CHMP1A: variants seen among roughly 807,000 people sequenced by gnomAD.
CHMP1A encodes VPS46 homolog A.
Under a neutral mutation model 27.0 loss-of-function variants are expected in CHMP1A, and 17 were observed. That is an observed-to-expected ratio of 0.63 (90% CI 0.43 to 0.95). The LOEUF (loss-of-function observed/expected upper bound fraction) is 0.95. Among genes scored for constraint, CHMP1A ranks in the 40% least tolerant of loss-of-function variants. The pLI is 0.00. For synonymous variants in CHMP1A, 131 were observed against 107.5 expected (o/e 1.22, Z -1.35); for missense variants, 275 against 264.0 (o/e 1.04, Z -0.29).
rs944589844 is a variant in CHMP1A, at chr16:89,645,846, C to T, written c.*220G>A. 3.4e-6 allele frequency: 5 copies of T among 1,472,724 alleles called. No homozygotes were observed. In the African/African-American group the frequency reaches 7.1e-5, roughly 21 times the overall value. The allele number at this position is 1,472,724 out of a possible 1,614,324, so 91.2% of individuals were successfully genotyped here. A position where few individuals can be genotyped will look rare whatever the true frequency, so the allele number is the denominator to read the frequency against. ...GGCCCAGAGTCACAGAAATCACCCC[C>T]AGAAATTTGCAGAAACTCAACACCA... On this transcript the variant is annotated 3_prime_UTR_variant, in exon 7 of 7. Coordinates refer to ENST00000397901, the MANE Select transcript of CHMP1A (RefSeq NM_002768.5).
intron 1 of CHMP1A, among the ~76,000 whole-genome samples, chr16:89,656,805 G>A (rs1006750406): frequency 1.2e-4 from 18 of 152,088 alleles, no homozygotes; most frequent in Non-Finnish European, 2.1e-4. Context: ...AGTCCCGAAA[G>A]GCCGAACAGG....
chr16:89,656,192 A>G (rs1719579362), intron 1 of CHMP1A, among the ~76,000 whole-genome samples: 1 of 152,212 alleles, frequency 6.6e-6, no homozygotes, highest in South Asian at 2.1e-4. Context: ...GCTGGAGTGA[A>G]GTGGCGCGAT....
chr16:89,655,177 C>T (rs2059854723), intron 1 of CHMP1A, among the ~76,000 whole-genome samples: 1 of 152,120 alleles, frequency 6.6e-6, no homozygotes, highest in Admixed American at 6.6e-5. Flanking sequence ...ATCGTTCAAT[C>T]TATCGCCTGT....
chr16:89,655,631 C>T (rs1451749079), intron 1 of CHMP1A, among the ~76,000 whole-genome samples: 5 of 147,978 alleles, frequency 3.4e-5, no homozygotes, highest in African/African-American at 1.2e-4. Context: ...CACAATTTTT[C>T]TTTTTTTTTT....
At chr16:89,649,326 T>G in intron 4 of CHMP1A, 25 bp downstream of exon 4, 1 of 1,602,644 alleles carries the variant, frequency 6.2e-7, no homozygotes, top group Non-Finnish European at 8.5e-7. Flanking sequence ...ACGCCACCCA[T>G]CCAGCACCAG....
intron 4 of CHMP1A, among the ~76,000 whole-genome samples, chr16:89,648,727 T>C (rs987786347): frequency 8.1e-6 from 1 of 123,192 alleles, no homozygotes; most frequent in Non-Finnish European, 1.7e-5. Context: ...TGTCTCTACA[T>C]AAAAATGAAA....
Position 89,646,034 on chromosome 16 carries a change from G to A in CHMP1A, c.*32C>T, listed in dbSNP as rs1219486873. The A allele has an allele frequency of 1.8e-5, 28 of 1,593,032 alleles. No homozygotes were observed. The highest frequency in any genetic ancestry group is 2.2e-5 in the Non-Finnish European group (26 of 1,171,246). On this transcript the variant is annotated 3_prime_UTR_variant, in exon 7 of 7. Coordinates refer to ENST00000397901, the MANE Select transcript of CHMP1A (RefSeq NM_002768.5). Reference sequence around the variant, plus strand: ...GACAGGAGCCTTCCAGCACATCACGGGGCAGAGGCGGTGCACACCGGCGGG... The same window carrying A: ...GACAGGAGCCTTCCAGCACATCACGAGGCAGAGGCGGTGCACACCGGCGGG...
intron 4 of CHMP1A, 121 bp from the exon 5 acceptor site, chr16:89,647,452 C>T: frequency 1.1e-6 from 1 of 888,734 alleles, no homozygotes; most frequent in Non-Finnish European, 1.7e-6. Context: ...ACCCACAAAA[C>T]CCCAACTCTG....
chr16:89,656,064 C>G (rs2059864733), intron 1 of CHMP1A, among the ~76,000 whole-genome samples: 1 of 152,124 alleles, frequency 6.6e-6, no homozygotes, highest in Admixed American at 6.5e-5. Context: ...TTCATCTTCT[C>G]TCAGGGCAGA....
chr16:89,645,425 G>A lies in CHMP1A; in HGVS notation c.*641C>T, dbSNP rs1339357407. ...GAATGTGGATCTGAGTGACGGTTCT[G>A]TCCCCATGGACTGGGCAGCTTTGGG... On this transcript the variant is annotated 3_prime_UTR_variant, in exon 7 of 7. Transcript: ENST00000397901. 1 of 162,420 alleles carries A rather than the reference G, an allele frequency of 6.2e-6. No homozygotes were observed. Among genetic ancestry groups the A allele is most frequent in the Admixed American group, 5.7e-5 (1 of 17,474 alleles). 10.1% of individuals were successfully genotyped at this position (162,420 alleles called of 1,614,324 possible).
intron 4 of CHMP1A, 72 bp downstream of exon 4, chr16:89,649,279 T>C: frequency 1.3e-6 from 2 of 1,532,828 alleles, no homozygotes; most frequent in Admixed American, 1.8e-5. Flanking sequence ...CTGCCCCAGA[T>C]CCAGACCGCA....
At chr16:89,653,083 T>C (rs1046179217) in intron 2 of CHMP1A, among the ~76,000 whole-genome samples, 3 of 142,080 alleles carry the variant, frequency 2.1e-5, no homozygotes, top group Admixed American at 7.3e-5. Flanking sequence ...AGTGGCACAA[T>C]CTTGGCTTAC....
chr16:89,650,600 G>A (rs1332165371), intron 3 of CHMP1A, among the ~76,000 whole-genome samples: 4 of 152,224 alleles, frequency 2.6e-5, no homozygotes, highest in African/African-American at 9.6e-5. Context: ...GAGGTCAGGA[G>A]TTTGACACCA....
intron 4 of CHMP1A, 39 bp downstream of exon 4, chr16:89,649,312 G>T: frequency 1.3e-6 from 2 of 1,596,820 alleles, no homozygotes; most frequent in Non-Finnish European, 1.7e-6. Flanking sequence ...GCTTCAGCCA[G>T]CGAACGCCAC....
At chr16:89,647,172 G>A (rs2059781342) in intron 5 of CHMP1A, 31 bp downstream of exon 5, 1 of 1,604,290 alleles carries the variant, frequency 6.2e-7, no homozygotes, top group Admixed American at 1.7e-5. Context: ...CTTGTCCCCA[G>A]GCCACAGCCC....
At chr16:89,653,020 C>CTTTTTTTTTTTTTTTTTTT (rs746886149) in intron 2 of CHMP1A, among the ~76,000 whole-genome samples, 1 of 82,192 alleles carries the variant, frequency 1.2e-5, no homozygotes, top group African/African-American at 4.6e-5. Flanking sequence ...TTTTTCTTTT[C>CTTTTTTTTTTTTTTTTTTT]TTTTTTTTTT....
chr16:89,652,314 A>G (rs941068937), intron 2 of CHMP1A, among the ~76,000 whole-genome samples: 3 of 146,968 alleles, frequency 2.0e-5, no homozygotes, highest in Non-Finnish European at 4.4e-5. Context: ...ATCTGGAATC[A>G]CAGACACCCT....
At position 89,657,692 on chromosome 16, in the gene CHMP1A, G is replaced by A. The variant is rs986063472; in HGVS notation, c.-104C>T. On this transcript the variant is annotated 5_prime_UTR_variant, in exon 1 of 7. Coordinates refer to ENST00000397901, the MANE Select transcript of CHMP1A (RefSeq NM_002768.5). ...GAACCGACCAAGCTGCACCCGGCGG[G>A]GACTTCCGGGGTCGCCGCCCCACTT... 53 of 1,569,864 alleles carry A rather than the reference G, an allele frequency of 3.4e-5. No individual in the cohort carries two copies. Among genetic ancestry groups the A allele is most frequent in the East Asian group, 3.1e-4 (13 of 41,538 alleles).
intron 2 of CHMP1A, 69 bp from the exon 3 acceptor site, chr16:89,651,715 C>A: frequency 6.7e-7 from 1 of 1,488,614 alleles, no homozygotes; most frequent in Non-Finnish European, 9.2e-7. Context: ...CTCTCCACAC[C>A]CCCACACCTG....
Sources: gnomAD v4.1 joint callset for allele counts (sites outside exome capture counted in the v4.1 genomes callset) on GRCh38, gnomAD v4.1.1 for gene constraint, MANE v1.5 for transcripts, NCBI Gene and HGNC (gene_info 2026-07-23, HGNC 2026-07-21) for gene names.